PIAS2: variants seen among roughly 807,000 people sequenced by gnomAD.
PIAS2 encodes the protein E3 SUMO-protein ligase PIAS2.
Under a neutral mutation model 69.7 loss-of-function variants are expected in PIAS2, and 19 were observed. The ratio of observed to expected loss-of-function variants is 0.27; its 90% CI spans 0.19 to 0.40. PIAS2 has a LOEUF of 0.40. PIAS2 is among the 10% of genes least tolerant of loss of function. PIAS2 has a pLI of 1.00. For missense variants in PIAS2, 624 were observed against 757.0 expected, an observed-to-expected ratio of 0.82 and a Z score of 2.06; for synonymous variants, 261 against 263.2, an observed-to-expected ratio of 0.99 and a Z score of 0.08.
At chr18:46,887,102 T>C (rs187420860) in intron 2 of PIAS2, among the ~76,000 whole-genome samples, 29 of 152,294 alleles carry the variant, frequency 1.9e-4, no homozygotes, top group African/African-American at 7.0e-4. Flanking sequence ...GATCCAATAA[T>C]TCTACTCATA....
At chr18:46,816,435 C>T (rs934196361) in intron 12 of PIAS2, 17 of 984,844 alleles carry the variant, frequency 1.7e-5, no homozygotes, top group Non-Finnish European at 2.0e-5. Flanking sequence ...ATCATTCCAA[C>T]GATTTCTAAA....
At chr18:46,874,366 A>G (rs2145762269) in intron 2 of PIAS2, among the ~76,000 whole-genome samples, 1 of 152,324 alleles carries the variant, frequency 6.6e-6, no homozygotes, top group Middle Eastern at 3.4e-3. Flanking sequence ...TTAATCAAAA[A>G]TATCATACCT....
chr18:46,872,844 C>G (rs1036817874), intron 2 of PIAS2, among the ~76,000 whole-genome samples: 2 of 152,276 alleles, frequency 1.3e-5, no homozygotes, highest in Middle Eastern at 3.4e-3. Context: ...CAGGAAAAGC[C>G]TGACTTTCTC....
chr18:46,843,869 T>C (rs1477990872), intron 8 of PIAS2, 185 bp downstream of exon 8: 12 of 429,236 alleles, frequency 2.8e-5, no homozygotes, highest in Non-Finnish European at 4.7e-5. Flanking sequence ...TCCCTCTTCT[T>C]TGTATTCTTT....
intron 1 of PIAS2, chr18:46,903,519 A>G (rs1279799654): frequency 6.6e-6 from 1 of 152,224 alleles, no homozygotes; most frequent in Non-Finnish European, 1.5e-5. Context: ...ATATCACTAG[A>G]TACCTACCAG....
intron 2 of PIAS2, among the ~76,000 whole-genome samples, chr18:46,872,940 A>G (rs1055748011): frequency 2.6e-5 from 4 of 152,194 alleles, no homozygotes; most frequent in Admixed American, 6.5e-5. Flanking sequence ...CCTTCCCTAG[A>G]AAAACCATTT....
In PIAS2 at chr18:46,897,867, T is replaced by A. The variant is rs1377102828; in HGVS notation, c.25-6813A>T. 2.0e-5 allele frequency among the ~76,000 whole-genome samples: 3 copies of A among 151,576 alleles called. No homozygotes were observed. In the East Asian group the frequency reaches 5.8e-4, roughly 29 times the overall value. The stretch of plus-strand genomic sequence containing the variant: ...AAATTCTAGATAATACAAGGCAATA[T>A]AATTTTTGGGTTTTTTTTTTTTGAG... On this transcript the variant is annotated intron_variant, in intron 1 of 13. Transcript: ENST00000585916.
chr18:46,883,930 C>A (rs2052707103), intron 2 of PIAS2, among the ~76,000 whole-genome samples: 1 of 152,126 alleles, frequency 6.6e-6, no homozygotes, highest in Non-Finnish European at 1.5e-5. Flanking sequence ...ATCACTTGAA[C>A]CTGAGAGGTA....
At chr18:46,876,803 T>C (rs1598717804) in intron 2 of PIAS2, among the ~76,000 whole-genome samples, 2 of 151,838 alleles carry the variant, frequency 1.3e-5, no homozygotes, top group East Asian at 3.9e-4. Context: ...TTCACACCAT[T>C]CTCCCGCCTC....
At chr18:46,917,002 C>A in intron 1 of PIAS2, 1 of 986,746 alleles carries the variant, frequency 1.0e-6, no homozygotes. Context: ...TCGGCCCTCA[C>A]TGCGAACCGG....
chr18:46,910,195 A>T (rs1321256739), intron 1 of PIAS2, among the ~76,000 whole-genome samples: 2 of 152,150 alleles, frequency 1.3e-5, no homozygotes, highest in Non-Finnish European at 2.9e-5. Flanking sequence ...TTACATATGT[A>T]TATATGTTAA....
intron 5 of PIAS2, among the ~76,000 whole-genome samples, chr18:46,853,275 C>CT (rs59385589): frequency 2.0e-3 from 275 of 138,796 alleles, no homozygotes; most frequent in Middle Eastern, 3.7e-3. Flanking sequence ...ACCTGAGAGC[C>CT]TTTTTTTTTT....
Position 46,829,740 on chromosome 18 carries a change from T to G in PIAS2, c.1330A>C (p.Ile444Leu). The G allele has an allele frequency of 6.2e-7, 1 of 1,612,518 alleles. No individual in the cohort carries two copies. The highest frequency in any genetic ancestry group is 8.5e-7 in the Non-Finnish European group (1 of 1,179,372). Residue 444 changes from isoleucine to leucine, a missense_variant, in exon 10 of 14, where the codon ATA becomes CTA. Transcript: ENST00000585916. ...MKVSSQPCTK[I>L]ESSSVLSKPC... Reference sequence around the variant, plus strand: ...GCTGCTATTCTACACATACTTTCTATTTTTGTACACGGTTGGCTGGATACT... The same window carrying G: ...GCTGCTATTCTACACATACTTTCTAGTTTTGTACACGGTTGGCTGGATACT...
intron 12 of PIAS2, among the ~76,000 whole-genome samples, chr18:46,820,496 T>C (rs1361615618): frequency 6.6e-6 from 1 of 152,130 alleles, no homozygotes; most frequent in Non-Finnish European, 1.5e-5. Context: ...GGGAAACAGA[T>C]GGTAGACTCT....
chr18:46,857,391 C>T (rs186119747), intron 3 of PIAS2, among the ~76,000 whole-genome samples: 1 of 152,248 alleles, frequency 6.6e-6, no homozygotes, highest in East Asian at 1.9e-4. Flanking sequence ...GTAAGTGCTA[C>T]AGAAAAAGGG....
intron 8 of PIAS2, 178 bp downstream of exon 8, chr18:46,843,876 C>G: frequency 4.5e-6 from 2 of 439,690 alleles, no homozygotes; most frequent in Non-Finnish European, 4.1e-6. Context: ...TCTTTGTATT[C>G]TTTGCATGCC....
chr18:46,901,092 T>C, intron 1 of PIAS2: 1 of 379,150 alleles, frequency 2.6e-6, no homozygotes, highest in South Asian at 2.0e-5. Flanking sequence ...AATATTACCA[T>C]GATACCAAAA....
At chr18:46,829,901 C>G (rs1184755339) in intron 9 of PIAS2, 34 bp from the exon 10 acceptor site, 1 of 1,586,158 alleles carries the variant, frequency 6.3e-7, no homozygotes. Context: ...TACATGTGAT[C>G]AACAGCTTTG....
intron 12 of PIAS2, chr18:46,817,973 C>T (rs919042377): frequency 6.1e-6 from 6 of 985,142 alleles, no homozygotes; most frequent in Non-Finnish European, 4.8e-6. Context: ...GTTTCAACTG[C>T]AGCGTGTCAT....
Sources: allele counts gnomAD v4.1 joint callset (sites outside exome capture counted in the v4.1 genomes callset), GRCh38; gene constraint gnomAD v4.1.1; transcripts MANE v1.5; gene names NCBI Gene and HGNC (gene_info 2026-07-23, HGNC 2026-07-21).